Variants in MORC4 observed in about 807,000 individuals in gnomAD.
MORC4 encodes MORC family CW-type zinc finger 4, also known as MORC family CW-type zinc finger protein 4.
A neutral mutation model predicts 65.5 loss-of-function variants in MORC4; 22 were observed. The ratio of observed to expected loss-of-function variants is 0.34; its 90% CI spans 0.24 to 0.48. MORC4 has a LOEUF of 0.48. Ranked by LOEUF, MORC4 falls within the 20% of genes least tolerant of loss-of-function variation. The probability of loss-of-function intolerance (pLI) is 0.99; values close to 1 mark genes in which losing one functional copy is unlikely to be tolerated. For missense variants in MORC4, 624 were observed against 703.0 expected (o/e 0.89, Z 1.27); for synonymous variants, 267 against 255.8 (o/e 1.04, Z -0.42).
chrX:106,962,877 C>T (rs777564438), intron 9 of MORC4, among the ~76,000 whole-genome samples: 1 of 112,097 alleles, frequency 8.9e-6, no homozygotes, highest in East Asian at 2.8e-4. Context: ...TAATGTAGAG[C>T]TACACACAAC....
chrX:106,942,704 G>A lies in MORC4; in HGVS notation c.2187C>T (p.Asn729=), dbSNP rs757176647. 5.8e-6 allele frequency: 7 copies of A among 1,209,770 alleles called. No individual in the cohort carries two copies. The East Asian group carries it at 2.1e-4, about 36-fold the overall frequency. Residue 729 remains asparagine (N), a synonymous_variant, in exon 15 of 17, where the codon AAC becomes AAT. Transcript: ENST00000355610. Reference sequence around the variant, plus strand: ...CAGAGGCCACAGAATAAGGCACTGGGTTCCAGGATTCAACTGCTTTTCGTC... The same window carrying A: ...CAGAGGCCACAGAATAAGGCACTGGATTCCAGGATTCAACTGCTTTTCGTC... The part of the protein sequence containing the change: ...AERRKAVESW[N]PVPYSVASAA...
At chrX:106,955,814 G>GA (rs1376486005) in intron 13 of MORC4, among the ~76,000 whole-genome samples, 1 of 111,280 alleles carries the variant, frequency 9.0e-6, no homozygotes. Flanking sequence ...AGTGGAAGGT[G>GA]AATCTAACAT....
chrX:106,988,806 C>T (rs916908464), intron 3 of MORC4, among the ~76,000 whole-genome samples: 5 of 111,902 alleles, frequency 4.5e-5, no homozygotes, highest in African/African-American at 6.5e-5. Context: ...TGGATACCAG[C>T]ACTTTTAGTG....
At chrX:106,941,770 G>A (rs1933689442) in intron 16 of MORC4, 138 bp from the exon 17 acceptor site, 10 of 810,722 alleles carry the variant, frequency 1.2e-5, no homozygotes, top group Admixed American at 3.4e-5. Flanking sequence ...AAAGCACAAC[G>A]CCACCAAGCA....
chrX:106,956,100 C>T (rs1934099409), intron 13 of MORC4, among the ~76,000 whole-genome samples: 1 of 111,048 alleles, frequency 9.0e-6, no homozygotes, highest in Non-Finnish European at 1.9e-5. Context: ...CCCTTCTTCC[C>T]AAGAGGAAGG....
chrX:106,963,282 G>A (rs777056460), intron 9 of MORC4, among the ~76,000 whole-genome samples: 103 of 112,155 alleles, frequency 9.2e-4, no homozygotes, highest in Admixed American at 8.8e-3. Flanking sequence ...AACTGCAGTA[G>A]CAAAAGCTGC....
chrX:106,986,210 C>G lies in MORC4; in HGVS notation c.309-10G>C. 1 of 1,151,409 alleles carries G rather than the reference C, an allele frequency of 8.7e-7. No individual in the cohort carries two copies. Among genetic ancestry groups the G allele is most frequent in the Non-Finnish European group, 1.2e-6 (1 of 854,742 alleles). The allele number at this position is 1,151,409 out of a possible 1,213,427, so 94.9% of individuals were successfully genotyped here. ...ATCTGTAAAGCCAAAGCTGCAATTA[C>G]ACAAGAAAAAACAAATCAGAAAAAA... On this transcript the variant is annotated splice_polypyrimidine_tract_variant and intron_variant, in intron 3 of 16. Transcript: ENST00000355610.
chrX:106,944,514 G>C (rs1933776436), intron 14 of MORC4, among the ~76,000 whole-genome samples: 2 of 110,998 alleles, frequency 1.8e-5, no homozygotes, highest in Non-Finnish European at 3.8e-5. Context: ...CACCTCTAAG[G>C]GTTCTGTCCT....
rs1389070754 is a variant in MORC4 at position 106,943,053 on chromosome X, T to A, written c.1838A>T (p.Asp613Val). 8.3e-7 allele frequency: 1 copy of A among 1,209,755 alleles called. No individual in the cohort carries two copies. Among genetic ancestry groups the A allele is most frequent in the African/African-American group, 1.8e-5 (1 of 57,096 alleles). ...TGTACTTCTCTCAGAACTCGATTTA[T>A]CATGGCTGTTCTCCCCTTCTGGGTA... ...VAYPEGENSH[D>V]KSSSERSTPP... Residue 613 changes from aspartate (D) to valine (V), a missense_variant, in exon 15 of 17, where the codon GAT becomes GTT. By Grantham distance (152) the Asp-to-Val change is radical (BLOSUM62 -3). Coordinates refer to ENST00000355610, the MANE Select transcript of MORC4 (RefSeq NM_024657.5).
At chrX:106,954,892 G>A in intron 14 of MORC4, 21 bp downstream of exon 14, 1 of 1,192,100 alleles carries the variant, frequency 8.4e-7, no homozygotes, top group Non-Finnish European at 1.1e-6. Flanking sequence ...CTATTGACAA[G>A]AGATCATGCT....
chrX:106,950,871 A>G (rs1933950705), intron 14 of MORC4, among the ~76,000 whole-genome samples: 1 of 112,123 alleles, frequency 8.9e-6, no homozygotes, highest in South Asian at 3.7e-4. Flanking sequence ...CATAAAATAG[A>G]GCTTGGAGTG....
intron 15 of MORC4, 29 bp from the exon 16 acceptor site, chrX:106,942,250 A>G (rs368951467): frequency 8.4e-7 from 1 of 1,183,698 alleles, no homozygotes; most frequent in African/African-American, 1.8e-5. Flanking sequence ...AAATTCAATG[A>G]CCCCACAAAA....
At chrX:106,969,406 A>G (rs1204168673) in intron 9 of MORC4, among the ~76,000 whole-genome samples, 2 of 112,014 alleles carry the variant, frequency 1.8e-5, no homozygotes, top group African/African-American at 6.5e-5. Flanking sequence ...TAACATCACA[A>G]TTAAAAGAAC....
chrX:106,975,383 C>G (rs142086114), intron 9 of MORC4, among the ~76,000 whole-genome samples: 2 of 111,177 alleles, frequency 1.8e-5, no homozygotes, highest in Non-Finnish European at 3.8e-5. Context: ...GACCATTTTA[C>G]TTAGACTGAG....
At chrX:106,968,824 T>A (rs976775058) in intron 9 of MORC4, among the ~76,000 whole-genome samples, 1 of 110,373 alleles carries the variant, frequency 9.1e-6, no homozygotes, top group African/African-American at 3.3e-5. Flanking sequence ...ACACCCAGAT[T>A]CATAAAGCAA....
intron 7 of MORC4, among the ~76,000 whole-genome samples, chrX:106,980,581 T>C (rs182493333): frequency 3.6e-4 from 40 of 111,495 alleles, no homozygotes; most frequent in Middle Eastern, 4.6e-3. Flanking sequence ...CTCATTAGAA[T>C]CAGCTGAGGA....
chrX:106,999,823 C>A, intron 1 of MORC4, 45 bp downstream of exon 1: 1 of 890,100 alleles, frequency 1.1e-6, no homozygotes, highest in Non-Finnish European at 1.4e-6. Context: ...CCCCCGCAGC[C>A]CAGGGGCCCG....
In MORC4 at chrX:106,957,001, T is replaced by C; in HGVS notation, c.1389A>G (p.Arg463=). ...GTTCTTGTTCCTCTGGAACAGAGCA[T>C]CTCCTGCAGTACAGAGAATAAATCA... The part of the protein sequence containing the change: ...CYYNSHPKYR[R]CSVPEEQELT... Residue 463 remains arginine (R), a synonymous_variant, in exon 12 of 17, where the codon AGA becomes AGG. Transcript: ENST00000355610. The C allele has an allele frequency of 8.5e-7, 1 of 1,178,379 alleles. No homozygotes were observed.
chrX:106,978,290 A>ATTTATGTCCCTT, intron 7 of MORC4, 91 bp from the exon 8 acceptor site: 1 of 939,829 alleles, frequency 1.1e-6, no homozygotes, highest in Non-Finnish European at 1.4e-6. Flanking sequence ...TCAAATACCA[A>ATTTATGTCCCTT]GGGACATAAA....
Sources: gnomAD v4.1 joint callset for allele counts (sites outside exome capture counted in the v4.1 genomes callset) on GRCh38, gnomAD v4.1.1 for gene constraint, MANE v1.5 for transcripts, NCBI Gene and HGNC (gene_info 2026-07-23, HGNC 2026-07-21) for gene names.